WDR86: variants seen among roughly 807,000 people sequenced by gnomAD.
The protein encoded by WDR86 is WD repeat-containing protein 86.
Under a neutral mutation model 36.5 loss-of-function variants are expected in WDR86, and 30 were observed. The observed-to-expected ratio is 0.82, with a 90% CI of 0.61 to 1.11. The LOEUF (loss-of-function observed/expected upper bound fraction) is 1.11, where lower values mean the gene tolerates loss of function less well. WDR86 is among the 50% of genes most tolerant of loss of function. WDR86 has a pLI of 0.00. For synonymous variants in WDR86, 255 were observed against 252.9 expected (o/e 1.01, Z -0.08); for missense variants, 545 against 561.2 (o/e 0.97, Z 0.29).
chr7:151,392,449 G>T (rs1292590583), intron 3 of WDR86, among the ~76,000 whole-genome samples: 1 of 152,160 alleles, frequency 6.6e-6, no homozygotes, highest in Non-Finnish European at 1.5e-5. Context: ...CTGCCCCAGA[G>T]TCCCCCACTG....
At chr7:151,380,122 G>A (rs1286913793), downstream of WDR86, among the ~76,000 whole-genome samples, 1 of 152,168 alleles carries the variant, frequency 6.6e-6, no homozygotes, top group African/African-American at 2.4e-5. Context: ...CCGTTTCTGC[G>A]GGTTCTCCTG....
chr7:151,389,251 C>T (rs978218528), intron 3 of WDR86, among the ~76,000 whole-genome samples: 7 of 151,884 alleles, frequency 4.6e-5, no homozygotes, highest in Admixed American at 1.3e-4. Context: ...CCACCGTGCC[C>T]GGCCCTCCAG....
chr7:151,388,448 G>C lies in WDR86; in HGVS notation c.727-3225C>G, dbSNP rs1462492922. On this transcript the variant is annotated intron_variant, in intron 3 of 5. Transcript: ENST00000334493. This position sits in a 1 kb window ranked among gnomAD's most constrained non-coding sequence, Gnocchi z 4.2. ...CCCTCAAAGAGCAGGGGAGAGGGCT[G>C]CCCTGCAGCGCAGGGCCACCACAGA... 6.5e-5 allele frequency among the ~76,000 whole-genome samples: 2 copies of C among 30,838 alleles called. No homozygotes were observed. Among genetic ancestry groups the C allele is most frequent in the African/African-American group, 1.5e-4 (1 of 6,846 alleles). 20.2% of individuals were successfully genotyped at this position (30,838 alleles called of 152,430 possible).
chr7:151,396,287 TA>T, intron 2 of WDR86, 91 bp from the exon 3 acceptor site: 1 of 1,410,566 alleles, frequency 7.1e-7, no homozygotes, highest in Middle Eastern at 1.8e-4. Context: ...GCACTGCAGC[TA>T]AAATAACCTC....
At chr7:151,407,125 A>G (rs2150876662) in intron 1 of WDR86, among the ~76,000 whole-genome samples, 1 of 152,368 alleles carries the variant, frequency 6.6e-6, no homozygotes, top group East Asian at 1.9e-4. Flanking sequence ...ATATAACAGC[A>G]AAAACAATCC....
At chr7:151,396,948 C>T (rs1799866957) in intron 2 of WDR86, among the ~76,000 whole-genome samples, 1 of 152,212 alleles carries the variant, frequency 6.6e-6, no homozygotes, top group Non-Finnish European at 1.5e-5. Context: ...ACATGGGAGA[C>T]CAAGGCCCCC....
intron 3 of WDR86, among the ~76,000 whole-genome samples, chr7:151,386,730 C>T (rs1799011825): frequency 6.6e-6 from 1 of 152,202 alleles, no homozygotes; most frequent in Non-Finnish European, 1.5e-5. Flanking sequence ...CAGTCTTCAA[C>T]AGCCCCTCTG....
chr7:151,385,306 C>A, intron 3 of WDR86, 83 bp from the exon 4 acceptor site: 1 of 1,578,216 alleles, frequency 6.3e-7, no homozygotes, highest in South Asian at 1.1e-5. Context: ...GGGGAAGGGG[C>A]ATGTGCAGGT....
chr7:151,402,394 A>G (rs915015178), intron 1 of WDR86, among the ~76,000 whole-genome samples: 1 of 152,118 alleles, frequency 6.6e-6, no homozygotes, highest in African/African-American at 2.4e-5. Flanking sequence ...CCAGGACACT[A>G]ACATAGACAC....
the WDR86 span, among the ~76,000 whole-genome samples, chr7:151,370,097 C>A: frequency 2.1e-5 from 3 of 144,044 alleles, no homozygotes; most frequent in African/African-American, 7.6e-5. Flanking sequence ...AAGCTGAGTT[C>A]TTTTTTTTTT....
chr7:151,409,388 C>T lies in WDR86; in HGVS notation c.163+39G>A. 1.3e-6 allele frequency: 2 copies of T among 1,551,238 alleles called. No homozygotes were observed. Among genetic ancestry groups the T allele is most frequent in the Admixed American group, 1.9e-5 (1 of 51,754 alleles). On this transcript the variant is annotated intron_variant, in intron 1 of 5. Transcript: ENST00000334493. This position sits in a 1 kb window ranked among gnomAD's most constrained non-coding sequence, Gnocchi z 5.2. ...GGGTCCGCGGTCTGGGGCCGGTGAG[C>T]TGCGGCGAAGAGGTCAGGGAGGGAG...
At position 151,390,605 on chromosome 7, in the gene WDR86, C is replaced by T. The variant is rs546753087; in HGVS notation, c.726+5171G>A. Among the ~76,000 whole-genome samples the T allele has an allele frequency of 3.3e-5, 5 of 152,362 alleles. No homozygotes were observed. In the South Asian group the frequency reaches 8.3e-4, roughly 25 times the overall value. ...AGGCAGGATGCACCCAGATCCCGTCCACCCGTTCACAACAGCTGAAAGGTG... is the reference window on the plus strand; with the variant it reads ...AGGCAGGATGCACCCAGATCCCGTCTACCCGTTCACAACAGCTGAAAGGTG... On this transcript the variant is annotated intron_variant, in intron 3 of 5. Transcript: ENST00000334493. This position sits in a 1 kb window ranked among gnomAD's most constrained non-coding sequence, Gnocchi z 4.5.
At chr7:151,394,665 G>A (rs180794518) in intron 3 of WDR86, among the ~76,000 whole-genome samples, 44 of 152,348 alleles carry the variant, frequency 2.9e-4, no homozygotes, top group Non-Finnish European at 5.4e-4. Context: ...TCACGGTCGC[G>A]GCGGCTAAGG....
Position 151,405,327 on chromosome 7 carries a change from A to G in WDR86, c.163+4100T>C, listed in dbSNP as rs771791033. On this transcript the variant is annotated intron_variant, in intron 1 of 5. Transcript: ENST00000334493. This position sits in a 1 kb window ranked among gnomAD's most constrained non-coding sequence, Gnocchi z 4.7. ...CCCTCAGGCTGGCTGTGGCCATCCA[A>G]CCTGGAAGGAAGCCCTCTCAGCTGT... Among the ~76,000 whole-genome samples, 2 of 151,888 alleles carry G rather than the reference A, an allele frequency of 1.3e-5. No individual in the cohort carries two copies. The highest frequency in any genetic ancestry group is 2.4e-5 in the African/African-American group (1 of 41,324).
At position 151,390,735 on chromosome 7, in the gene WDR86, ACAC is replaced by A. The variant is rs1307281870; in HGVS notation, c.726+5038_726+5040del. 6.6e-6 allele frequency among the ~76,000 whole-genome samples: 1 copy of A among 152,242 alleles called. No homozygotes were observed. Among genetic ancestry groups the A allele is most frequent in the Non-Finnish European group, 1.5e-5 (1 of 68,046 alleles). ...CGGAAAAAGGAGGGAATCTCATCAC[ACAC>A]CACAACACAGACGAACCCTGAAGAT... On this transcript the variant is annotated intron_variant, in intron 3 of 5. Coordinates refer to ENST00000334493, the MANE Select transcript of WDR86 (RefSeq NM_198285.3). This position sits in a 1 kb window ranked among gnomAD's most constrained non-coding sequence, Gnocchi z 4.5.
chr7:151,381,787 C>CG lies in WDR86; in HGVS notation c.967-42dup, dbSNP rs767694181. 50 of 1,483,118 alleles carry CG rather than the reference C, an allele frequency of 3.4e-5. No homozygotes were observed. The highest frequency in any genetic ancestry group is 1.3e-4 in the South Asian group (10 of 75,958). The allele number at this position is 1,483,118 out of a possible 1,614,324, so 91.9% of individuals were successfully genotyped here. A position where few individuals can be genotyped will look rare whatever the true frequency, so the allele number is the denominator to read the frequency against. ...CGGGCGTCACCGGTGACGCGGTAGG[C>CG]GGGGGGGACACCGCTGCCCGCGTGG... On this transcript the variant is annotated intron_variant, in intron 5 of 5. Coordinates refer to ENST00000334493, the MANE Select transcript of WDR86 (RefSeq NM_198285.3). This position sits in a 1 kb window ranked among gnomAD's most constrained non-coding sequence, Gnocchi z 4.8.
intron 1 of WDR86, among the ~76,000 whole-genome samples, chr7:151,402,070 A>AAATATATATATAT: frequency 4.9e-4 from 25 of 50,532 alleles, no homozygotes; most frequent in Non-Finnish European, 7.4e-4. Context: ...AAAAAAAAAA[A>AAATATATATATAT]ATATATATAT....
chr7:151,392,817 G>C (rs73474451), intron 3 of WDR86, among the ~76,000 whole-genome samples: 26 of 152,146 alleles, frequency 1.7e-4, no homozygotes, highest in African/African-American at 3.9e-4. Context: ...GTCCTGAGAG[G>C]CTCACCTCCA....
At chr7:151,374,263 C>T, downstream of WDR86, 3 of 1,550,998 alleles carry the variant, frequency 1.9e-6, no homozygotes, top group East Asian at 4.9e-5. Flanking sequence ...CCCTCGGGGC[C>T]TCTGGCCTTG....
Sources: gnomAD v4.1 joint callset for allele counts (sites outside exome capture counted in the v4.1 genomes callset) on GRCh38, gnomAD v4.1.1 for gene constraint, Gnocchi (gnomAD v3.1) non-coding constraint, MANE v1.5 for transcripts, NCBI Gene and HGNC (gene_info 2026-07-23, HGNC 2026-07-21) for gene names.